Variants in MRPS28 observed in about 807,000 individuals in gnomAD.
MRPS28 encodes the protein mitochondrial ribosomal protein S28, also known as small ribosomal subunit protein bS1m.
MRPS28 carries 7 observed loss-of-function variants against 10.8 expected under a neutral mutation model. The observed-to-expected ratio is 0.65, with a 90% CI of 0.37 to 1.22. MRPS28 has a LOEUF of 1.22. MRPS28 is among the 50% of genes most tolerant of loss of function. The pLI is 0.02. For missense variants in MRPS28, 265 were observed against 232.9 expected (o/e 1.14, Z -0.90); for synonymous variants, 121 against 93.3 (o/e 1.30, Z -1.71).
chr8:79,937,709 T>A (rs1806640579), intron 2 of MRPS28, among the ~76,000 whole-genome samples: 2 of 152,224 alleles, frequency 1.3e-5, no homozygotes, highest in South Asian at 4.1e-4. Flanking sequence ...TGATACTACC[T>A]TACACCACCA....
At chr8:79,951,340 T>C (rs1807075432) in intron 2 of MRPS28, among the ~76,000 whole-genome samples, 1 of 152,218 alleles carries the variant, frequency 6.6e-6, no homozygotes, top group Non-Finnish European at 1.5e-5. Flanking sequence ...ATGGCCATTC[T>C]ATCCCCAAAC....
chr8:80,006,017 C>T (rs2130175506), intron 1 of MRPS28, among the ~76,000 whole-genome samples: 1 of 152,300 alleles, frequency 6.6e-6, no homozygotes, highest in Admixed American at 6.5e-5. Context: ...GAGACTTAGA[C>T]TCCCACATAA....
Position 79,986,013 on chromosome 8 carries a change from T to C in MRPS28, c.395+16986A>G, listed in dbSNP as rs968465902. 4.6e-5 allele frequency among the ~76,000 whole-genome samples: 7 copies of C among 152,198 alleles called. No homozygotes were observed. In the East Asian group the frequency reaches 7.7e-4, roughly 17 times the overall value. The stretch of plus-strand genomic sequence containing the variant: ...GACTAATATCCTTGATGAACATTGA[T>C]GCAAAAATCCTCAATAAAATACTGG... On this transcript the variant is annotated intron_variant, in intron 2 of 2. Coordinates refer to ENST00000276585, the MANE Select transcript of MRPS28 (RefSeq NM_014018.3).
chr8:80,019,715 T>C (rs1809303334), intron 1 of MRPS28, among the ~76,000 whole-genome samples: 1 of 152,078 alleles, frequency 6.6e-6, no homozygotes, highest in African/African-American at 2.4e-5. Flanking sequence ...GATGGCATGA[T>C]GACCTATGTA....
In MRPS28 at chr8:79,996,250, A is replaced by C. The variant is rs183142637; in HGVS notation, c.395+6749T>G. ...TTCCCAAATAACATGAGGCATACTGATATTAACCAGGTCCTGTGACTAGAG... is the reference window on the plus strand; with the variant it reads ...TTCCCAAATAACATGAGGCATACTGCTATTAACCAGGTCCTGTGACTAGAG... On this transcript the variant is annotated intron_variant, in intron 2 of 2. Transcript: ENST00000276585. Among the ~76,000 whole-genome samples, 20 of 152,334 alleles carry C rather than the reference A, an allele frequency of 1.3e-4. No individual in the cohort carries two copies. In the East Asian group the frequency reaches 3.7e-3, roughly 28 times the overall value.
intron 2 of MRPS28, among the ~76,000 whole-genome samples, chr8:79,959,166 C>T (rs1807306181): frequency 6.6e-6 from 1 of 152,068 alleles, no homozygotes; most frequent in African/African-American, 2.4e-5. Flanking sequence ...TAATGACATT[C>T]TATTGCTAAC....
chr8:80,029,731 G>T, intron 1 of MRPS28: 1 of 1,441,860 alleles, frequency 6.9e-7, no homozygotes, highest in Non-Finnish European at 9.2e-7. Flanking sequence ...GCCCTAGATC[G>T]CCTCCCCAGC....
chr8:79,924,449 T>C (rs1810180224), intron 2 of MRPS28, among the ~76,000 whole-genome samples: 1 of 152,164 alleles, frequency 6.6e-6, no homozygotes, highest in African/African-American at 2.4e-5. Flanking sequence ...TGTGTGTGAG[T>C]AAGTAGGAAT....
chr8:79,948,099 T>C (rs1158078425), intron 2 of MRPS28, among the ~76,000 whole-genome samples: 1 of 151,604 alleles, frequency 6.6e-6, no homozygotes, highest in Non-Finnish European at 1.5e-5. Flanking sequence ...GCCAATCTCC[T>C]GCCTCGGCCT....
At chr8:79,988,556 G>A (rs1194903877) in intron 2 of MRPS28, among the ~76,000 whole-genome samples, 1 of 151,638 alleles carries the variant, frequency 6.6e-6, no homozygotes, top group African/African-American at 2.4e-5. Context: ...TCAAGTATAG[G>A]ACAATGTTGA....
intron 1 of MRPS28, among the ~76,000 whole-genome samples, chr8:80,003,566 T>C (rs1005168437): frequency 2.0e-5 from 3 of 152,134 alleles, no homozygotes; most frequent in Non-Finnish European, 4.4e-5. Flanking sequence ...GCTCCCAGCG[T>C]GAGTGACCCA....
chr8:79,962,019 TTTC>T (rs1171521556), intron 2 of MRPS28, among the ~76,000 whole-genome samples: 21 of 152,154 alleles, frequency 1.4e-4, no homozygotes, highest in Admixed American at 1.2e-3. Flanking sequence ...GGAACGAATA[TTTC>T]TTCATTATTG....
chr8:79,950,625 A>G (rs760705125), intron 2 of MRPS28, among the ~76,000 whole-genome samples: 1 of 152,212 alleles, frequency 6.6e-6, no homozygotes, highest in Non-Finnish European at 1.5e-5. Flanking sequence ...ATAATTCCAC[A>G]ACATTCTAAA....
At chr8:79,949,396 A>C (rs1807020842) in intron 2 of MRPS28, among the ~76,000 whole-genome samples, 1 of 150,634 alleles carries the variant, frequency 6.6e-6, no homozygotes, top group Admixed American at 6.6e-5. Context: ...CCTGGGCGAC[A>C]GAGTGAGACT....
At chr8:79,979,914 G>GAA (rs1563532038) in intron 2 of MRPS28, among the ~76,000 whole-genome samples, 2 of 8,806 alleles carry the variant, frequency 2.3e-4, no homozygotes, top group Non-Finnish European at 4.6e-4. Context: ...GGATTCTCAC[G>GAA]CAAAAAAAAA....
chr8:79,970,235 G>A (rs931636595), intron 2 of MRPS28, among the ~76,000 whole-genome samples: 6 of 152,000 alleles, frequency 3.9e-5, no homozygotes, highest in Non-Finnish European at 7.4e-5. Flanking sequence ...CTAGATTCAA[G>A]GATACCTAAA....
intron 2 of MRPS28, among the ~76,000 whole-genome samples, chr8:79,992,661 C>T (rs568042574): frequency 6.6e-6 from 1 of 152,266 alleles, no homozygotes; most frequent in Admixed American, 6.5e-5. Context: ...TAAATATTTG[C>T]TGATAAAATT....
intron 2 of MRPS28, among the ~76,000 whole-genome samples, chr8:79,975,062 A>T (rs1405785255): frequency 6.6e-6 from 1 of 152,148 alleles, no homozygotes; most frequent in Non-Finnish European, 1.5e-5. Context: ...AGACAAGAGG[A>T]CTGGCTGAGC....
intron 2 of MRPS28, among the ~76,000 whole-genome samples, chr8:79,925,039 C>G (rs1259615542): frequency 6.6e-6 from 1 of 152,024 alleles, no homozygotes; most frequent in East Asian, 1.9e-4. Flanking sequence ...AGCACAGAAG[C>G]CAAGATTAAC....
Sources: gnomAD v4.1 joint callset for allele counts (sites outside exome capture counted in the v4.1 genomes callset) on GRCh38, gnomAD v4.1.1 for gene constraint, MANE v1.5 for transcripts, NCBI Gene and HGNC (gene_info 2026-07-23, HGNC 2026-07-21) for gene names.